Variants in PSMD14 observed in about 807,000 individuals in gnomAD.
PSMD14 encodes the protein ubiquitin C-terminal hydrolase PSMD14.
In PSMD14, 7 loss-of-function variants were observed where a neutral mutation model predicts 41.2. The observed-to-expected ratio is 0.17, with a 90% confidence interval of 0.10 to 0.32. The LOEUF (loss-of-function observed/expected upper bound fraction) is 0.32. Among genes scored for constraint, PSMD14 ranks in the 10% least tolerant of loss-of-function variants. The probability of loss-of-function intolerance (pLI) is 1.00; values close to 1 mark genes in which losing one functional copy is unlikely to be tolerated. For missense variants in PSMD14, 139 were observed against 375.6 expected (o/e 0.37, Z 5.21); for synonymous variants, 114 against 122.3 (o/e 0.93, Z 0.45).
rs1683380462 is a variant in PSMD14, at chr2:161,367,871, A to T, written c.208A>T (p.Ile70Phe). 6.2e-7 allele frequency: 1 copy of T among 1,613,508 alleles called. No homozygotes were observed. Among genetic ancestry groups the T allele is most frequent in the South Asian group, 1.1e-5 (1 of 91,036 alleles). The stretch of plus-strand genomic sequence containing the variant: ...TGTTGATGATTATACCGTCAGAGTG[A>T]TTGATGTGTTTGCTATGCCACAGTC... ...EFVDDYTVRV[I>F]DVFAMPQSGT... Residue 70 changes from isoleucine (I) to phenylalanine (F), a missense_variant, in exon 5 of 12, where the codon ATT becomes TTT. Coordinates refer to ENST00000409682, the MANE Select transcript of PSMD14 (RefSeq NM_005805.6).
intron 3 of PSMD14, among the ~76,000 whole-genome samples, chr2:161,352,746 T>G (rs1683137501): frequency 6.6e-6 from 1 of 152,204 alleles, no homozygotes; most frequent in South Asian, 2.1e-4. Context: ...GTCTTTCTCT[T>G]CTTTCATTAG....
At chr2:161,379,259 T>C (rs143982740) in intron 7 of PSMD14, among the ~76,000 whole-genome samples, 67 of 152,124 alleles carry the variant, frequency 4.4e-4, no homozygotes, top group African/African-American at 1.4e-3. Flanking sequence ...ATCAGACTAG[T>C]GACCCATAGG....
At chr2:161,403,543 T>A (rs745746948) in intron 10 of PSMD14, among the ~76,000 whole-genome samples, 86 of 152,214 alleles carry the variant, frequency 5.6e-4, no homozygotes, top group Middle Eastern at 3.2e-3. Flanking sequence ...TACCTCATTT[T>A]TAAAAATGCA....
intron 3 of PSMD14, among the ~76,000 whole-genome samples, chr2:161,353,233 T>G (rs1683145446): frequency 6.6e-6 from 1 of 152,208 alleles, no homozygotes; most frequent in Non-Finnish European, 1.5e-5. Flanking sequence ...CTTCAAATAT[T>G]GTCTTTATAA....
intron 8 of PSMD14, among the ~76,000 whole-genome samples, chr2:161,388,405 A>G (rs1386546041): frequency 6.6e-6 from 1 of 152,108 alleles, no homozygotes. Context: ...AGGAACTAGT[A>G]CTCATAACCA....
intron 3 of PSMD14, among the ~76,000 whole-genome samples, chr2:161,334,107 C>T (rs1044203625): frequency 2.0e-5 from 3 of 152,072 alleles, no homozygotes; most frequent in Admixed American, 6.6e-5. Context: ...CTGAGGTGGG[C>T]GGATCATCTG....
intron 5 of PSMD14, 75 bp downstream of exon 5, chr2:161,367,978 C>T: frequency 2.7e-6 from 4 of 1,455,470 alleles, no homozygotes; most frequent in Non-Finnish European, 3.7e-6. Flanking sequence ...CAAACTAACT[C>T]TCATCATATT....
chr2:161,389,371 C>T (rs966992896), intron 8 of PSMD14, among the ~76,000 whole-genome samples: 2 of 152,168 alleles, frequency 1.3e-5, no homozygotes, highest in African/African-American at 4.8e-5. Context: ...TAATTCTCTA[C>T]CAGGCTGATT....
At chr2:161,327,985 A>AGT (rs1682727698) in intron 3 of PSMD14, among the ~76,000 whole-genome samples, 1 of 131,154 alleles carries the variant, frequency 7.6e-6, no homozygotes, top group South Asian at 2.4e-4. Flanking sequence ...TGTGTGTGTG[A>AGT]GATGTTGGTT....
intron 3 of PSMD14, among the ~76,000 whole-genome samples, chr2:161,332,759 T>C (rs1325503831): frequency 6.6e-6 from 1 of 152,256 alleles, no homozygotes; most frequent in Admixed American, 6.5e-5. Context: ...GACCTGCCAC[T>C]GATGAAAAGT....
At chr2:161,310,291 T>C (rs749037331) in intron 1 of PSMD14, among the ~76,000 whole-genome samples, 3 of 152,358 alleles carry the variant, frequency 2.0e-5, no homozygotes, top group South Asian at 4.1e-4. Context: ...ATTGCTGTTG[T>C]TATTGTTATT....
chr2:161,348,927 ATTTG>A (rs146454429), intron 3 of PSMD14, among the ~76,000 whole-genome samples: 1,975 of 152,286 alleles, frequency 0.013, 46 homozygotes, highest in African/African-American at 0.045. Flanking sequence ...TAGAAAAAAC[ATTTG>A]TTCCTACTCC....
chr2:161,363,759 GCTT>G (rs1683322666), intron 3 of PSMD14, among the ~76,000 whole-genome samples: 1 of 152,206 alleles, frequency 6.6e-6, no homozygotes, highest in Admixed American at 6.5e-5. Flanking sequence ...GATGTGGCCT[GCTT>G]CTTCAGTGCC....
intron 10 of PSMD14, among the ~76,000 whole-genome samples, chr2:161,405,984 A>G (rs1022177314): frequency 6.6e-6 from 1 of 152,174 alleles, no homozygotes; most frequent in Admixed American, 6.6e-5. Flanking sequence ...TATGTTCAGA[A>G]AGTTAAAAAC....
intron 11 of PSMD14, chr2:161,409,774 T>G (rs1330422544): frequency 6.6e-6 from 1 of 152,106 alleles, no homozygotes; most frequent in Non-Finnish European, 1.5e-5. Flanking sequence ...ATGTCATAAA[T>G]GAGAAAATCA....
intron 8 of PSMD14, among the ~76,000 whole-genome samples, chr2:161,390,487 T>A (rs1683697449): frequency 6.6e-6 from 1 of 152,112 alleles, no homozygotes; most frequent in African/African-American, 2.4e-5. Context: ...TGCTATTAGC[T>A]TAAGATTTTA....
chr2:161,405,042 G>A (rs575117120), intron 10 of PSMD14, among the ~76,000 whole-genome samples: 2 of 152,120 alleles, frequency 1.3e-5, no homozygotes, highest in African/African-American at 4.8e-5. Context: ...AGATGCTGCT[G>A]TTCAAGAGTA....
intron 1 of PSMD14, 165 bp downstream of exon 1, chr2:161,308,769 G>T (rs1210134955): frequency 6.6e-6 from 1 of 152,440 alleles, no homozygotes; most frequent in Non-Finnish European, 1.5e-5. Context: ...TGCTCTCAGG[G>T]CTCTCTGGCA....
At chr2:161,399,515 TA>T (rs1683847517) in intron 10 of PSMD14, among the ~76,000 whole-genome samples, 1 of 152,140 alleles carries the variant, frequency 6.6e-6, no homozygotes, top group South Asian at 2.1e-4. Flanking sequence ...GTAAGTTCTT[TA>T]ATGCCGATTT....
Sources: gnomAD v4.1 joint callset for allele counts (sites outside exome capture counted in the v4.1 genomes callset) on GRCh38, gnomAD v4.1.1 for gene constraint, MANE v1.5 for transcripts, NCBI Gene and HGNC (gene_info 2026-07-23, HGNC 2026-07-21) for gene names.